Variants in PRRG1 observed in about 807,000 individuals in gnomAD.
The protein encoded by PRRG1 is transmembrane gamma-carboxyglutamic acid protein 1.
Under a neutral mutation model 11.8 loss-of-function variants are expected in PRRG1, and 5 were observed. The ratio of observed to expected loss-of-function variants is 0.42; its 90% CI spans 0.22 to 0.89. PRRG1 has a LOEUF of 0.89. Ranked by LOEUF, PRRG1 falls within the 40% of genes least tolerant of loss-of-function variation. The pLI is 0.28. For synonymous variants in PRRG1, 66 were observed against 60.4 expected (o/e 1.09, Z -0.43); for missense variants, 155 against 166.1 (o/e 0.93, Z 0.37).
intron 1 of PRRG1, among the ~76,000 whole-genome samples, chrX:37,387,635 G>T (rs1043437752): frequency 5.4e-5 from 6 of 111,169 alleles, no homozygotes; most frequent in African/African-American, 2.0e-4. Context: ...GTGCTAAACC[G>T]TTCATGAGAA....
chrX:37,440,218 C>T, intron 3 of PRRG1, among the ~76,000 whole-genome samples: 1 of 112,251 alleles, frequency 8.9e-6, no homozygotes, highest in East Asian at 2.8e-4. Flanking sequence ...CTTCCAATTT[C>T]TGAATGGAAT....
intron 3 of PRRG1, among the ~76,000 whole-genome samples, chrX:37,426,419 G>A (rs60810389): frequency 0.019 from 2,126 of 111,699 alleles, 47 homozygotes; most frequent in African/African-American, 0.06. Flanking sequence ...TTCCCACTCC[G>A]CGAGAATACT....
chrX:37,453,124 T>C lies in PRRG1; in HGVS notation c.172-12T>C, dbSNP rs1556396926. Reference sequence around the variant, plus strand: ...ATACTGATTTTCTATTTATTTTGTATTGTATTTTCAGAAGGAGTTTTGGAG... The same window carrying C: ...ATACTGATTTTCTATTTATTTTGTACTGTATTTTCAGAAGGAGTTTTGGAG... On this transcript the variant is annotated splice_polypyrimidine_tract_variant and intron_variant, in intron 3 of 3. Transcript: ENST00000378628. The C allele has an allele frequency of 8.5e-7, 1 of 1,179,998 alleles. No individual in the cohort carries two copies. Among genetic ancestry groups the C allele is most frequent in the Non-Finnish European group, 1.1e-6 (1 of 874,361 alleles).
chrX:37,397,405 C>T (rs1187160848), intron 1 of PRRG1, among the ~76,000 whole-genome samples: 1 of 111,817 alleles, frequency 8.9e-6, no homozygotes, highest in Non-Finnish European at 1.9e-5. Flanking sequence ...AATGAGCTTC[C>T]CCTAAGTCTG....
chrX:37,366,157 TA>T (rs1930564759), intron 1 of PRRG1, among the ~76,000 whole-genome samples: 2 of 112,022 alleles, frequency 1.8e-5, no homozygotes, highest in Admixed American at 1.9e-4. Context: ...CACAACATAA[TA>T]TAGGATATGG....
At chrX:37,426,714 C>T (rs1419204160) in intron 3 of PRRG1, among the ~76,000 whole-genome samples, 2 of 112,381 alleles carry the variant, frequency 1.8e-5, no homozygotes, top group African/African-American at 3.2e-5. Context: ...TTAGTCAAAT[C>T]ACAGGGTTAG....
At chrX:37,371,557 A>T (rs1251456345) in intron 1 of PRRG1, among the ~76,000 whole-genome samples, 2 of 112,726 alleles carry the variant, frequency 1.8e-5, no homozygotes, top group Non-Finnish European at 3.8e-5. Flanking sequence ...CCCTTCTGGG[A>T]GCCCAGACCT....
intron 3 of PRRG1, among the ~76,000 whole-genome samples, chrX:37,437,846 C>G (rs868911302): frequency 1.8e-5 from 2 of 111,512 alleles, no homozygotes; most frequent in South Asian, 7.6e-4. Flanking sequence ...ACCTCTCCCT[C>G]TAAAAAAGGA....
intron 1 of PRRG1, among the ~76,000 whole-genome samples, chrX:37,384,829 T>C (rs1290899323): frequency 8.9e-6 from 1 of 111,774 alleles, no homozygotes; most frequent in Non-Finnish European, 1.9e-5. Flanking sequence ...TATAGAATAA[T>C]TGAAACTCTG....
At position 37,385,542 on chromosome X, in the gene PRRG1, A is replaced by G. The variant is rs147448020; in HGVS notation, c.-41-20667A>G. 3.3e-3 allele frequency among the ~76,000 whole-genome samples: 367 copies of G among 110,875 alleles called. 2 individuals are homozygous for G. Among genetic ancestry groups the G allele is most frequent in the African/African-American group, 0.011 (344 of 30,487 alleles). On this transcript the variant is annotated intron_variant, in intron 1 of 3. Coordinates refer to ENST00000378628, the MANE Select transcript of PRRG1 (RefSeq NM_001142395.2). ...AAAGAGCAGTACTATATGCTGTATT[A>G]TTTATCTACCACTGCATAACAAATT...
chrX:37,394,174 A>T (rs1052484690), intron 1 of PRRG1, among the ~76,000 whole-genome samples: 3 of 112,300 alleles, frequency 2.7e-5, no homozygotes, highest in Non-Finnish European at 5.6e-5. Flanking sequence ...TAATAGATAT[A>T]CAACAAATAC....
chrX:37,375,755 A>T (rs1031848683), intron 1 of PRRG1, among the ~76,000 whole-genome samples: 7 of 111,019 alleles, frequency 6.3e-5, no homozygotes, highest in Non-Finnish European at 1.3e-4. Flanking sequence ...GCTTTTTTTT[A>T]AACTCTCCCT....
intron 1 of PRRG1, among the ~76,000 whole-genome samples, chrX:37,377,601 T>C (rs1483183282): frequency 1.8e-5 from 2 of 111,920 alleles, no homozygotes; most frequent in Non-Finnish European, 3.8e-5. Context: ...TATGTCATTA[T>C]GGCAAATTAT....
rs141395433 is a variant in PRRG1 at position 37,442,321 on chromosome X, T to C, written c.172-10815T>C. On this transcript the variant is annotated intron_variant, in intron 3 of 3. Coordinates refer to ENST00000378628, the MANE Select transcript of PRRG1 (RefSeq NM_001142395.2). Reference sequence around the variant, plus strand: ...CTTAAAGTAGGTATCCAGCAGTCTCTCCACCCAGTCCTGTCCCATCTGCAT... The same window carrying C: ...CTTAAAGTAGGTATCCAGCAGTCTCCCCACCCAGTCCTGTCCCATCTGCAT... The C allele has an allele frequency of 2.5e-4, 143 of 570,189 alleles. 1 individual carries two copies. The East Asian group carries it at 0.018, about 72-fold the overall frequency. 47.0% of individuals were successfully genotyped at this position (570,189 alleles called of 1,213,427 possible).
At chrX:37,381,448 A>C (rs1931151125) in intron 1 of PRRG1, among the ~76,000 whole-genome samples, 1 of 111,694 alleles carries the variant, frequency 9.0e-6, no homozygotes, top group Non-Finnish European at 1.9e-5. Context: ...TTTTCTGTCT[A>C]ATCTCGAAAT....
Position 37,456,571 on chromosome X carries a change from A to G in PRRG1, c.*2950A>G, listed in dbSNP as rs1921367231. On this transcript the variant is annotated 3_prime_UTR_variant, in exon 4 of 4. Coordinates refer to ENST00000378628, the MANE Select transcript of PRRG1 (RefSeq NM_001142395.2). ...ATAATGATAGGATAAACAAAATACC[A>G]CTGTCTTCAAGAAACATTATCTTAG... The G allele has an allele frequency of 8.9e-6, 1 of 111,820 alleles. No homozygotes were observed. The highest frequency in any genetic ancestry group is 3.7e-4 in the South Asian group (1 of 2,678). The allele number at this position is 111,820 out of a possible 1,213,427, so 9.2% of individuals were successfully genotyped here. A position where few individuals can be genotyped will look rare whatever the true frequency, so the allele number is the denominator to read the frequency against.
intron 2 of PRRG1, among the ~76,000 whole-genome samples, chrX:37,406,551 C>CTA (rs782602835): frequency 1.6e-4 from 17 of 109,111 alleles, no homozygotes; most frequent in African/African-American, 5.3e-4. Flanking sequence ...CTCACAGATA[C>CTA]TATATATATA....
intron 3 of PRRG1, among the ~76,000 whole-genome samples, chrX:37,434,013 T>C (rs1383949325): frequency 1.8e-5 from 2 of 112,295 alleles, no homozygotes; most frequent in East Asian, 2.8e-4. Context: ...GATCTAGCAT[T>C]GCCAGCAAAG....
At chrX:37,387,457 C>T (rs1013505370) in intron 1 of PRRG1, among the ~76,000 whole-genome samples, 1 of 111,833 alleles carries the variant, frequency 8.9e-6, no homozygotes, top group Non-Finnish European at 1.9e-5. Flanking sequence ...CTGACATCTC[C>T]TTAGCTTTTG....
Sources: allele counts gnomAD v4.1 joint callset (sites outside exome capture counted in the v4.1 genomes callset), GRCh38; gene constraint gnomAD v4.1.1; transcripts MANE v1.5; gene names NCBI Gene and HGNC (gene_info 2026-07-23, HGNC 2026-07-21).